The following CEP95 variants were observed in gnomAD, a reference collection of about 807,000 sequenced individuals.
CEP95 encodes centrosomal protein of 95 kDa.
A neutral mutation model predicts 111.2 loss-of-function variants in CEP95; 98 were observed. That is an observed-to-expected ratio of 0.88 (90% CI 0.75 to 1.04). The LOEUF is 1.04. Ranked by LOEUF, CEP95 falls within the 50% of genes least tolerant of loss-of-function variation. The probability of loss-of-function intolerance (pLI) is 0.00; values close to 1 mark genes in which losing one functional copy is unlikely to be tolerated. For synonymous variants in CEP95, 323 were observed against 327.1 expected (o/e 0.99, Z 0.14); for missense variants, 1,027 against 977.2 (o/e 1.05, Z -0.68).
At chr17:64,535,152 G>T in intron 17 of CEP95, 1 of 191,452 alleles carries the variant, frequency 5.2e-6, no homozygotes, top group South Asian at 9.4e-5. Flanking sequence ...ATCCTAATCA[G>T]GCTGTGAAAT....
intron 4 of CEP95, chr17:64,516,157 T>C (rs1186952581): frequency 6.6e-6 from 1 of 152,236 alleles, no homozygotes; most frequent in African/African-American, 2.4e-5. Flanking sequence ...TCTCTAGACA[T>C]GGGCATGAGA....
At chr17:64,522,998 T>C (rs1250184612) in intron 8 of CEP95, 103 bp downstream of exon 8, 1 of 854,756 alleles carries the variant, frequency 1.2e-6, no homozygotes, top group Non-Finnish European at 1.8e-6. Flanking sequence ...GTATGTGTAT[T>C]GGTGAAGTCT....
intron 2 of CEP95, among the ~76,000 whole-genome samples, chr17:64,509,516 C>T (rs1555674119): frequency 6.6e-6 from 1 of 152,170 alleles, no homozygotes; most frequent in African/African-American, 2.4e-5. Context: ...AAAATGCCAT[C>T]TCTGCTAAAA....
At chr17:64,525,618 G>A (rs1002490457) in intron 8 of CEP95, among the ~76,000 whole-genome samples, 152 bp from the exon 9 acceptor site, 1 of 152,232 alleles carries the variant, frequency 6.6e-6, no homozygotes. Context: ...GGTGCACTGG[G>A]TGTCAATAGG....
At chr17:64,508,461 T>C (rs2038702382) in intron 1 of CEP95, 131 bp from the exon 2 acceptor site, 4 of 1,175,276 alleles carry the variant, frequency 3.4e-6, no homozygotes, top group Non-Finnish European at 4.2e-6. Flanking sequence ...TCTCTAACAA[T>C]CAAATTCCTT....
At position 64,514,000 on chromosome 17, in the gene CEP95, C is replaced by T. The variant is rs374463028; in HGVS notation, c.257-248C>T. Among the ~76,000 whole-genome samples the T allele has an allele frequency of 1.9e-3, 283 of 152,250 alleles. 1 individual carries two copies. Among genetic ancestry groups the T allele is most frequent in the African/African-American group, 6.4e-3 (267 of 41,550 alleles). On this transcript the variant is annotated intron_variant, in intron 3 of 19. Coordinates refer to ENST00000556440, the MANE Select transcript of CEP95 (RefSeq NM_138363.3). ...AGGAATATGCCAGTGAATTATTAGA[C>T]GCCATATTTAAAGCTTCCCCCTTTT...
chr17:64,509,891 G>A (rs1216837291), intron 2 of CEP95, among the ~76,000 whole-genome samples: 3 of 151,188 alleles, frequency 2.0e-5, no homozygotes, highest in Admixed American at 2.0e-4. Flanking sequence ...GCATATTCAT[G>A]TATATCTATA....
intron 3 of CEP95, 100 bp from the exon 4 acceptor site, chr17:64,514,148 C>T (rs2039025331): frequency 1.8e-6 from 1 of 548,472 alleles, no homozygotes; most frequent in Non-Finnish European, 3.4e-6. Context: ...CGCCTGTATT[C>T]TTAAATAGCA....
At chr17:64,514,761 T>TA (rs1350877561) in intron 4 of CEP95, 1 of 266,524 alleles carries the variant, frequency 3.8e-6, no homozygotes, top group African/African-American at 2.2e-5. Context: ...AGCCTGCACT[T>TA]ACATTTGTGA....
chr17:64,514,882 T>G (rs538409338), intron 4 of CEP95: 2 of 155,222 alleles, frequency 1.3e-5, no homozygotes, highest in South Asian at 4.1e-4. Flanking sequence ...AATAATATAT[T>G]ACCTGTTCTT....
chr17:64,537,264 A>G, intron 19 of CEP95, 152 bp downstream of exon 19: 1 of 1,405,434 alleles, frequency 7.1e-7, no homozygotes, highest in Non-Finnish European at 9.4e-7. Flanking sequence ...AAGTACACTG[A>G]CATTTTGCAC....
intron 6 of CEP95, chr17:64,520,491 GC>G (rs1967234711): frequency 7.3e-6 from 1 of 136,188 alleles, no homozygotes; most frequent in Non-Finnish European, 1.5e-5. Flanking sequence ...ACTAGGTCTT[GC>G]TCTGTCACCC....
At chr17:64,528,889 T>C (rs1968058713) in intron 11 of CEP95, among the ~76,000 whole-genome samples, 1 of 152,224 alleles carries the variant, frequency 6.6e-6, no homozygotes, top group Non-Finnish European at 1.5e-5. Flanking sequence ...CCTATAAGCA[T>C]ATATAATAAG....
chr17:64,524,531 G>C (rs953416259), intron 8 of CEP95, among the ~76,000 whole-genome samples: 1 of 151,996 alleles, frequency 6.6e-6, no homozygotes, highest in South Asian at 2.1e-4. Context: ...GGCCAGGCTG[G>C]TCTCAAACTC....
intron 17 of CEP95, chr17:64,535,320 C>G (rs548857886): frequency 1.4e-4 from 22 of 157,766 alleles, no homozygotes; most frequent in Non-Finnish European, 2.5e-4. Context: ...CCGTCAGAAC[C>G]AGTTTTTCTA....
intron 5 of CEP95, among the ~76,000 whole-genome samples, chr17:64,517,388 CA>C (rs2144396164): frequency 6.6e-6 from 1 of 152,136 alleles, no homozygotes; most frequent in African/African-American, 2.4e-5. Context: ...ATCATCTTTG[CA>C]AAAAACTTGC....
intron 11 of CEP95, among the ~76,000 whole-genome samples, chr17:64,527,870 G>GTA (rs376144614): frequency 0.084 from 9,413 of 112,316 alleles, 342 homozygotes; most frequent in African/African-American, 0.11. Context: ...GTGTGTGTGT[G>GTA]TATATATATA....
At chr17:64,510,739 CAA>C (rs1199155089) in intron 3 of CEP95, among the ~76,000 whole-genome samples, 4 of 152,114 alleles carry the variant, frequency 2.6e-5, no homozygotes, top group Non-Finnish European at 5.9e-5. Context: ...TTTGTAAAGA[CAA>C]GAGTTTCGCC....
intron 17 of CEP95, chr17:64,535,064 T>G: frequency 3.0e-6 from 1 of 332,704 alleles, no homozygotes; most frequent in Non-Finnish European, 5.8e-6. Context: ...TAACATGACC[T>G]TGCATTCCAC....
Sources: gnomAD v4.1 joint callset for allele counts (sites outside exome capture counted in the v4.1 genomes callset) on GRCh38, gnomAD v4.1.1 for gene constraint, MANE v1.5 for transcripts, NCBI Gene and HGNC (gene_info 2026-07-23, HGNC 2026-07-21) for gene names.